Variants in SLC2A7 observed in about 807,000 individuals in gnomAD.
SLC2A7 encodes the protein solute carrier family 2, facilitated glucose transporter member 7.
Under a neutral mutation model 50.5 loss-of-function variants are expected in SLC2A7, and 50 were observed. That is an observed-to-expected ratio of 0.99 (90% CI 0.79 to 1.25). The LOEUF (loss-of-function observed/expected upper bound fraction) is 1.25, where lower values mean the gene tolerates loss of function less well. SLC2A7 is among the 50% of genes most tolerant of loss of function. SLC2A7 has a pLI of 0.00. For synonymous variants in SLC2A7, 308 were observed against 300.4 expected, an observed-to-expected ratio of 1.03 and a Z score of -0.26; for missense variants, 683 against 679.1, an observed-to-expected ratio of 1.01 and a Z score of -0.06.
intron 11 of SLC2A7, 126 bp from the exon 12 acceptor site, chr1:9,003,644 G>A (rs1456760146): frequency 1.2e-5 from 9 of 765,176 alleles, no homozygotes; most frequent in African/African-American, 1.8e-5. Context: ...GATCACCTGA[G>A]GTCAGGAGTT....
intron 5 of SLC2A7, among the ~76,000 whole-genome samples, chr1:9,016,795 G>T (rs1055158434): frequency 2.6e-5 from 4 of 152,008 alleles, no homozygotes; most frequent in East Asian, 1.9e-4. Context: ...ATTCAGGCCC[G>T]CCTGGTGGTC....
rs1640815361 is a variant in SLC2A7, at chr1:9,015,363, C to G, written c.590-121G>C. ...AGGACTGTGGGGACTTCATTCTCAC[C>G]AGGGTACTCCTACAAATGGTTTCCA... On this transcript the variant is annotated intron_variant, in intron 5 of 11. Coordinates refer to ENST00000400906, the MANE Select transcript of SLC2A7 (RefSeq NM_207420.3). The G allele has an allele frequency of 3.2e-6, 4 of 1,263,756 alleles. No individual in the cohort carries two copies. The South Asian group carries it at 6.4e-5, about 20-fold the overall frequency. The allele number at this position is 1,263,756 out of a possible 1,614,324, so 78.3% of individuals were successfully genotyped here.
intron 11 of SLC2A7, 112 bp downstream of exon 11, chr1:9,004,640 C>T (rs1463548883): frequency 7.3e-7 from 1 of 1,375,898 alleles, no homozygotes; most frequent in Non-Finnish European, 1.0e-6. Context: ...TTGGATGTGT[C>T]TGAGAGCCTG....
In SLC2A7 at chr1:9,010,189, A is replaced by G; in HGVS notation, c.1070T>C (p.Ile357Thr). Residue 357 changes from isoleucine (I) to threonine (T), a missense_variant, in exon 9 of 12, where the codon ATC becomes ACC. Transcript: ENST00000400906. ...CAGCACCAGGCAGGCAGAGCCGCAG[A>G]TGCCGTAGCCGGCCAGCAGGAGGTG... ...RRHLLLAGYG[I>T]CGSACLVLTV... 1.3e-6 allele frequency: 2 copies of G among 1,552,252 alleles called. No individual in the cohort carries two copies. The highest frequency in any genetic ancestry group is 1.7e-6 in the Non-Finnish European group (2 of 1,147,424).
Position 9,003,278 on chromosome 1 carries a change from T to TC in SLC2A7, c.*21dup. ...ATAGAAGGAAGCCTTGAATATGGGC[T>TC]CCCGTCCTTCATGCAGGGCCACTAA... On this transcript the variant is annotated 3_prime_UTR_variant, in exon 12 of 12. Coordinates refer to ENST00000400906, the MANE Select transcript of SLC2A7 (RefSeq NM_207420.3). 1 of 1,612,316 alleles carries TC rather than the reference T, an allele frequency of 6.2e-7. No homozygotes were observed. The highest frequency in any genetic ancestry group is 1.7e-4 in the Middle Eastern group (1 of 6,036).
intron 2 of SLC2A7, among the ~76,000 whole-genome samples, chr1:9,023,722 CAT>C (rs1640949195): frequency 6.8e-6 from 1 of 147,272 alleles, no homozygotes; most frequent in Non-Finnish European, 1.5e-5. Context: ...ACCTGGCCAA[CAT>C]AGGGAGACCC....
chr1:8,995,045 A>C, the SLC2A7 span, among the ~76,000 whole-genome samples: 1 of 149,648 alleles, frequency 6.7e-6, no homozygotes, highest in African/African-American at 2.5e-5. Context: ...TGCTGGGATT[A>C]CACGTGTGAG....
At chr1:9,013,321 C>T (rs534031836) in intron 8 of SLC2A7, among the ~76,000 whole-genome samples, 35 of 152,304 alleles carry the variant, frequency 2.3e-4, no homozygotes, top group Admixed American at 9.8e-4. Flanking sequence ...TGAGCCGCCG[C>T]GCCCGGCCGG....
chr1:9,015,795 C>T (rs561165177), intron 5 of SLC2A7, among the ~76,000 whole-genome samples: 3 of 151,382 alleles, frequency 2.0e-5, no homozygotes, highest in East Asian at 3.9e-4. Flanking sequence ...GCGATCATAG[C>T]CCACTGCAAC....
At chr1:9,001,058 G>A (rs1640566692), downstream of SLC2A7, among the ~76,000 whole-genome samples, 1 of 152,024 alleles carries the variant, frequency 6.6e-6, no homozygotes, top group East Asian at 1.9e-4. Context: ...CACTAAGTTT[G>A]GACACTACAG....
the SLC2A7 span, among the ~76,000 whole-genome samples, chr1:8,997,030 G>A: frequency 6.6e-6 from 1 of 151,904 alleles, no homozygotes; most frequent in Non-Finnish European, 1.5e-5. Context: ...CACCCACCTC[G>A]GACTCCTAAA....
At chr1:9,009,261 CAA>C (rs1262311701) in intron 9 of SLC2A7, among the ~76,000 whole-genome samples, 1 of 152,202 alleles carries the variant, frequency 6.6e-6, no homozygotes, top group Admixed American at 6.5e-5. Context: ...CAAGCAACAG[CAA>C]AGAGGCTGCC....
the SLC2A7 span, among the ~76,000 whole-genome samples, chr1:8,993,375 A>T: frequency 6.6e-6 from 1 of 152,204 alleles, no homozygotes; most frequent in African/African-American, 2.4e-5. Context: ...GCCTTTGAGC[A>T]TTTGTAAGCA....
At chr1:9,002,873 G>A (rs12727906), downstream of SLC2A7, among the ~76,000 whole-genome samples, 10,393 of 152,288 alleles carry the variant, frequency 0.068, 419 homozygotes, top group Non-Finnish European at 0.089. Context: ...CTGCAGCCAC[G>A]GGGTGGAGAA....
chr1:9,014,495 G>A (rs973720036), intron 7 of SLC2A7, among the ~76,000 whole-genome samples, 186 bp downstream of exon 7: 7 of 152,214 alleles, frequency 4.6e-5, no homozygotes, highest in Admixed American at 4.6e-4. Flanking sequence ...AAATGAAGCT[G>A]GCATGTGGGG....
rs1640874943 is a variant in SLC2A7 at position 9,019,195 on chromosome 1, T to A, written c.436+14A>T. ...CTTCCCCCAAGGCTGAGCCGGAGCC[T>A]GGGCCCCAGGTACCTGCACAGACTC... On this transcript the variant is annotated intron_variant, in intron 4 of 11. Transcript: ENST00000400906. The A allele has an allele frequency of 6.2e-7, 1 of 1,612,544 alleles. No homozygotes were observed. The highest frequency in any genetic ancestry group is 8.5e-7 in the Non-Finnish European group (1 of 1,179,158).
intron 11 of SLC2A7, among the ~76,000 whole-genome samples, chr1:9,003,729 A>G (rs1313472899): frequency 6.6e-6 from 1 of 152,130 alleles, no homozygotes; most frequent in East Asian, 1.9e-4. Context: ...ATGGTGGTGT[A>G]CACCTGTAAT....
In SLC2A7 at chr1:9,008,603, G is replaced by T. The variant is rs993537578; in HGVS notation, c.1117-1218C>A. ...AAGGTTCTGCTAAGAACTTATATTG[G>T]TTTTTTTTTTTTTTAGACAGAATCT... On this transcript the variant is annotated intron_variant, in intron 9 of 11. Transcript: ENST00000400906. This position sits in a 1 kb window ranked among gnomAD's most constrained non-coding sequence, Gnocchi z 5.9. 8.0e-4 allele frequency among the ~76,000 whole-genome samples: 117 copies of T among 146,020 alleles called. 1 individual carries two copies. The highest frequency in any genetic ancestry group is 3.5e-3 in the Middle Eastern group (1 of 282).
At chr1:9,022,826 T>A (rs375258849) in intron 3 of SLC2A7, 92 bp downstream of exon 3, 2 of 1,510,460 alleles carry the variant, frequency 1.3e-6, no homozygotes, top group Admixed American at 1.9e-5. Flanking sequence ...ATTTTCAGGG[T>A]CACACGTCTC....
Sources: allele counts gnomAD v4.1 joint callset (sites outside exome capture counted in the v4.1 genomes callset), GRCh38; gene constraint gnomAD v4.1.1; non-coding constraint Gnocchi (gnomAD v3.1); transcripts MANE v1.5; gene names NCBI Gene and HGNC (gene_info 2026-07-23, HGNC 2026-07-21).